The following SPEF2 variants were observed in gnomAD, a reference collection of about 807,000 sequenced individuals.
SPEF2 encodes the protein sperm flagellar and cilia associated 2.
A neutral mutation model predicts 224.6 loss-of-function variants in SPEF2; 187 were observed. That is an observed-to-expected ratio of 0.83 (90% CI 0.74 to 0.94). SPEF2 has a LOEUF of 0.94. Ranked by LOEUF, SPEF2 falls within the 40% of genes least tolerant of loss-of-function variation. SPEF2 has a pLI of 0.00. For missense variants in SPEF2, 2,170 were observed against 2,135.6 expected (o/e 1.02, Z -0.32); for synonymous variants, 715 against 707.3 (o/e 1.01, Z -0.17).
At chr5:35,636,871 G>A (rs1483717689) in intron 2 of SPEF2, among the ~76,000 whole-genome samples, 1 of 151,612 alleles carries the variant, frequency 6.6e-6, no homozygotes, top group Non-Finnish European at 1.5e-5. Context: ...AGCTACTCAG[G>A]AGGCTGAGGC....
rs1490155118 is a variant in SPEF2 at position 35,790,160 on chromosome 5, T to C, written c.4448-2180T>C. ...CAGCTGAAGCAGAACATGGCTTTAG[T>C]CAGATGAAATGGACCAAGTCACATA... On this transcript the variant is annotated intron_variant, in intron 30 of 36. Coordinates refer to ENST00000356031, the MANE Select transcript of SPEF2 (RefSeq NM_024867.4). 4.3e-6 allele frequency: 3 copies of C among 702,724 alleles called. No homozygotes were observed. In the East Asian group the frequency reaches 8.0e-5, roughly 19 times the overall value. 43.5% of individuals were successfully genotyped at this position (702,724 alleles called of 1,614,324 possible).
chr5:35,721,560 G>C (rs1743666989), intron 20 of SPEF2, among the ~76,000 whole-genome samples: 1 of 152,154 alleles, frequency 6.6e-6, no homozygotes. Context: ...CCTTGCATCT[G>C]ACCTGGATTT....
At chr5:35,643,403 G>A in intron 3 of SPEF2, 1 of 447,112 alleles carries the variant, frequency 2.2e-6, no homozygotes, top group Admixed American at 2.4e-5. Flanking sequence ...TGAGGAAGAG[G>A]GTAACATAGA....
intron 21 of SPEF2, among the ~76,000 whole-genome samples, chr5:35,732,392 C>T (rs1745780062): frequency 6.6e-6 from 1 of 151,494 alleles, no homozygotes; most frequent in South Asian, 2.1e-4. Context: ...GTCTTTAGCA[C>T]CACTATGGAT....
intron 2 of SPEF2, among the ~76,000 whole-genome samples, chr5:35,629,991 G>T (rs968705657): frequency 2.6e-5 from 4 of 152,086 alleles, no homozygotes; most frequent in African/African-American, 9.7e-5. Context: ...TTGGGGTATT[G>T]GTTCCTGGAC....
intron 10 of SPEF2, among the ~76,000 whole-genome samples, chr5:35,688,001 G>A (rs1241387751): frequency 2.0e-5 from 3 of 152,140 alleles, no homozygotes; most frequent in Admixed American, 1.3e-4. Context: ...GAATAAGCAG[G>A]AAAAGAAAAT....
At chr5:35,677,091 G>A (rs563569470) in intron 10 of SPEF2, among the ~76,000 whole-genome samples, 23 of 152,256 alleles carry the variant, frequency 1.5e-4, no homozygotes, top group Admixed American at 3.9e-4. Context: ...AGGGTATTCC[G>A]TGTGGAAAAA....
At chr5:35,647,744 G>A (rs1747599752) in intron 5 of SPEF2, among the ~76,000 whole-genome samples, 3 of 152,058 alleles carry the variant, frequency 2.0e-5, no homozygotes, top group African/African-American at 7.2e-5. Flanking sequence ...GCTTTTACTC[G>A]ATTCCTCCTC....
chr5:35,652,382 A>G (rs1010208450), intron 6 of SPEF2, among the ~76,000 whole-genome samples: 17 of 152,154 alleles, frequency 1.1e-4, no homozygotes, highest in Admixed American at 9.8e-4. Context: ...CAAATATAAT[A>G]AGATTTTTGA....
chr5:35,641,620 GC>G lies in SPEF2; in HGVS notation c.352del (p.Gln118LysfsTer6). On this transcript the variant is annotated frameshift_variant, in exon 3 of 37. Coordinates refer to ENST00000356031, the MANE Select transcript of SPEF2 (RefSeq NM_024867.4). LOFTEE classifies it high-confidence loss of function. The stretch of plus-strand genomic sequence containing the variant: ...AAAGTGGACTGACTGGAGTGGAGAT[GC>G]AAACCATGCAACGTCTGACAAATTT... ...KKSGLTGVEM[Q>X]TMQRLTNLRL... The G allele has an allele frequency of 6.2e-7, 1 of 1,613,624 alleles. No homozygotes were observed. Among genetic ancestry groups the G allele is most frequent in the Non-Finnish European group, 8.5e-7 (1 of 1,179,726 alleles).
rs1738416069 is a variant in SPEF2 at position 35,700,598 on chromosome 5, C to T, written c.2244C>T (p.Leu748=). ...CTCTTACAGGCTGCAATAGAAACCT[C>T]ACAGAAGTGGAAAGAAAAAAAGCAC... The part of the protein sequence containing the change: ...EEALTGCNRN[L]TEVERKKAQK... The change falls in exon 16 of 37, where the codon CTC becomes CTT. Residue 748 remains leucine (L), a synonymous_variant. Transcript: ENST00000356031. 6.2e-7 allele frequency: 1 copy of T among 1,613,756 alleles called. No homozygotes were observed. Among genetic ancestry groups the T allele is most frequent in the South Asian group, 1.1e-5 (1 of 91,070 alleles).
intron 34 of SPEF2, among the ~76,000 whole-genome samples, chr5:35,803,802 A>G (rs1757744517): frequency 6.6e-6 from 1 of 152,168 alleles, no homozygotes; most frequent in African/African-American, 2.4e-5. Flanking sequence ...CCCACAAACA[A>G]CTGGAAATCT....
intron 26 of SPEF2, among the ~76,000 whole-genome samples, chr5:35,767,008 T>A (rs1184335129): frequency 6.6e-6 from 1 of 151,820 alleles, no homozygotes; most frequent in East Asian, 1.9e-4. Context: ...TTCATTTAAG[T>A]GTTTAGTGTA....
intron 2 of SPEF2, among the ~76,000 whole-genome samples, chr5:35,635,370 T>C (rs1423264403): frequency 1.3e-5 from 2 of 152,160 alleles, no homozygotes; most frequent in African/African-American, 4.8e-5. Context: ...ATTTTCCCAT[T>C]TACCCTGAGA....
chr5:35,794,187 A>G (rs543719647), intron 32 of SPEF2, among the ~76,000 whole-genome samples: 2 of 152,324 alleles, frequency 1.3e-5, no homozygotes, highest in African/African-American at 2.4e-5. Context: ...ACAAAATTTC[A>G]TAACTGAGAG....
chr5:35,627,421 G>GA (rs1744422248), intron 1 of SPEF2, among the ~76,000 whole-genome samples: 1 of 151,932 alleles, frequency 6.6e-6, no homozygotes, highest in Non-Finnish European at 1.5e-5. Flanking sequence ...GCAACATGGT[G>GA]AAACCCCCCT....
chr5:35,679,978 C>A (rs1397687950), intron 10 of SPEF2, among the ~76,000 whole-genome samples: 1 of 152,098 alleles, frequency 6.6e-6, no homozygotes, highest in Admixed American at 6.6e-5. Flanking sequence ...TGATGTTACC[C>A]ATTTGTTTTA....
chr5:35,801,380 G>T (rs1045743204), intron 34 of SPEF2, among the ~76,000 whole-genome samples: 3 of 152,138 alleles, frequency 2.0e-5, no homozygotes, highest in East Asian at 3.9e-4. Context: ...GGATGTGGTG[G>T]TGTGTGCCTG....
chr5:35,674,838 G>T (rs942158228), intron 10 of SPEF2, among the ~76,000 whole-genome samples: 5 of 151,932 alleles, frequency 3.3e-5, no homozygotes, highest in Non-Finnish European at 5.9e-5. Context: ...CATTTATTCA[G>T]GATACTTACA....
Sources: allele counts gnomAD v4.1 joint callset (sites outside exome capture counted in the v4.1 genomes callset), GRCh38; gene constraint gnomAD v4.1.1; transcripts MANE v1.5; gene names NCBI Gene and HGNC (gene_info 2026-07-23, HGNC 2026-07-21).